Variants in FAAP24 observed in about 807,000 individuals in gnomAD.
FAAP24 encodes Fanconi anemia core complex-associated protein 24.
FAAP24 carries 16 observed loss-of-function variants against 14.3 expected under a neutral mutation model. The ratio of observed to expected loss-of-function variants is 1.12; its 90% CI spans 0.76 to 1.69. FAAP24 has a LOEUF of 1.69. FAAP24 is among the 40% of genes most tolerant of loss of function. The pLI is 0.00. For missense variants in FAAP24, 234 were observed against 262.7 expected (o/e 0.89, Z 0.75); for synonymous variants, 111 against 106.2 (o/e 1.04, Z -0.28).
chr19:32,974,149 C>G lies in FAAP24; in HGVS notation c.333C>G (p.Asp111Glu). The G allele has an allele frequency of 6.2e-7, 1 of 1,614,132 alleles. No individual in the cohort carries two copies. The highest frequency in any genetic ancestry group is 8.5e-7 in the Non-Finnish European group (1 of 1,180,032). The change falls in exon 4 of 5, where the codon GAC becomes GAG. Residue 111 changes from aspartate (D) to glutamate (E), a missense_variant. Coordinates refer to ENST00000588258, the MANE Select transcript of FAAP24 (RefSeq NM_152266.5). ...CCCTACAGAAGTTTACTGTGCTGGA[C>G]CTTGGAATGGTGCTGCTTCCAGTGG... ...FPALQKFTVL[D>E]LGMVLLPVAS...
chr19:32,974,301 T>C (rs1971489045), intron 4 of FAAP24, 89 bp downstream of exon 4: 9 of 1,418,990 alleles, frequency 6.3e-6, no homozygotes. Context: ...CCAATCTATG[T>C]CATTCTCTGA....
rs948765182 is a variant in FAAP24 at position 32,976,818 on chromosome 19, A to G, written c.*136A>G. 5 of 1,126,420 alleles carry G rather than the reference A, an allele frequency of 4.4e-6. No homozygotes were observed. The highest frequency in any genetic ancestry group is 4.9e-6 in the Non-Finnish European group (4 of 810,082). The allele number at this position is 1,126,420 out of a possible 1,614,324, so 69.8% of individuals were successfully genotyped here. On this transcript the variant is annotated 3_prime_UTR_variant, in exon 5 of 5. Transcript: ENST00000588258. ...ATCTCAGCACTTTGGGAGGCCGAAG[A>G]CAGCGGATCATCTGAGGTCAGGAGT...
In FAAP24 at chr19:32,974,098, C is replaced by T. The variant is rs754642934; in HGVS notation, c.282C>T (p.Thr94=). 8 of 1,614,100 alleles carry T rather than the reference C, an allele frequency of 5.0e-6. No individual in the cohort carries two copies. Among genetic ancestry groups the T allele is most frequent in the East Asian group, 2.2e-5 (1 of 44,882 alleles). ...NLKGIVVVEK[T]RMSEQYFPAL... is the part of the protein sequence containing the mutation. ...AAGGAATTGTAGTCGTTGAAAAAACCCGGATGAGTGAACAATACTTCCCAG... is the reference window on the plus strand; with the variant it reads ...AAGGAATTGTAGTCGTTGAAAAAACTCGGATGAGTGAACAATACTTCCCAG... Residue 94 remains threonine, a synonymous_variant, in exon 4 of 5, where the codon ACC becomes ACT. Transcript: ENST00000588258.
At chr19:32,974,578 G>A (rs1205321990) in intron 4 of FAAP24, among the ~76,000 whole-genome samples, 10 of 152,080 alleles carry the variant, frequency 6.6e-5, no homozygotes, top group Non-Finnish European at 1.0e-4. Flanking sequence ...GAGGCCAGCA[G>A]TTCGAGACCA....
rs1436868159 is a variant in FAAP24 at position 32,973,506 on chromosome 19, G to A, written c.187G>A (p.Glu63Lys). The A allele has an allele frequency of 8.1e-6, 13 of 1,614,080 alleles. No homozygotes were observed. Among genetic ancestry groups the A allele is most frequent in the East Asian group, 2.2e-5 (1 of 44,892 alleles). Residue 63 changes from glutamate (E) to lysine (K), a missense_variant, in exon 3 of 5, where the codon GAA (glutamate) becomes AAA (lysine). Coordinates refer to ENST00000588258, the MANE Select transcript of FAAP24 (RefSeq NM_152266.5). Reference sequence around the variant, plus strand: ...CAGATGCTGCATTCTTTATGTCACCGAAGCTGATTTGGTGGCAGGAAATGG... The same window carrying A: ...CAGATGCTGCATTCTTTATGTCACCAAAGCTGATTTGGTGGCAGGAAATGG... ...SNRCCILYVTEADLVAGNGYR... is the reference protein window; with the variant it reads ...SNRCCILYVTKADLVAGNGYR...
intron 4 of FAAP24, among the ~76,000 whole-genome samples, chr19:32,975,250 AC>A (rs1971501172): frequency 6.7e-6 from 1 of 149,624 alleles, no homozygotes; most frequent in Admixed American, 6.7e-5. Context: ...GCTTACTGCA[AC>A]CTTTGCCTCC....
Position 32,974,078 on chromosome 19 carries a change from A to G in FAAP24, c.262A>G (p.Ile88Val). The G allele has an allele frequency of 6.2e-7, 1 of 1,614,062 alleles. No individual in the cohort carries two copies. The highest frequency in any genetic ancestry group is 8.5e-7 in the Non-Finnish European group (1 of 1,180,006). The part of the protein sequence containing the change: ...RVRNSNNLKG[I>V]VVVEKTRMSE... ...TTTCAAGTCCAATAATCTTAAAGGA[A>G]TTGTAGTCGTTGAAAAAACCCGGAT... Residue 88 changes from isoleucine to valine, a missense_variant, in exon 4 of 5, where the codon ATT (isoleucine) becomes GTT (valine). Physicochemically the swap from Ile to Val is conservative, Grantham distance 29. Transcript: ENST00000588258.
intron 4 of FAAP24, among the ~76,000 whole-genome samples, chr19:32,975,608 C>T (rs1181172520): frequency 2.0e-5 from 3 of 151,592 alleles, no homozygotes; most frequent in Non-Finnish European, 4.4e-5. Flanking sequence ...TACAGGTGCC[C>T]GCCACCACGC....
rs1568305966 is a variant in FAAP24 at position 32,977,458 on chromosome 19, G to A, written c.*776G>A. On this transcript the variant is annotated 3_prime_UTR_variant, in exon 5 of 5. Transcript: ENST00000588258. ...TCTGGCCTTCATATACCCGTACTGC[G>A]AGGGCTGTTTCCAATGTAAATAAAT... The A allele has an allele frequency of 1.8e-5, 7 of 398,378 alleles. No homozygotes were observed. Among genetic ancestry groups the A allele is most frequent in the East Asian group, 3.6e-5 (1 of 28,090 alleles). The allele number at this position is 398,378 out of a possible 1,614,324, so 24.7% of individuals were successfully genotyped here.
chr19:32,975,240 G>A (rs1971500952), intron 4 of FAAP24, among the ~76,000 whole-genome samples: 1 of 150,326 alleles, frequency 6.7e-6, no homozygotes, highest in Admixed American at 6.7e-5. Flanking sequence ...TGCAATCTTG[G>A]CTTACTGCAA....
In FAAP24 at chr19:32,976,660, C is replaced by T; in HGVS notation, c.626C>T (p.Ala209Val). 6.2e-7 allele frequency: 1 copy of T among 1,614,148 alleles called. No individual in the cohort carries two copies. The highest frequency in any genetic ancestry group is 8.5e-7 in the Non-Finnish European group (1 of 1,180,016). Reference sequence around the variant, plus strand: ...CAAGCAGTGGCACAGCAGATCCATGCCTTCTTCACGCAGCCCAGGTGAGGG... The same window carrying T: ...CAAGCAGTGGCACAGCAGATCCATGTCTTCTTCACGCAGCCCAGGTGAGGG... ...VGQAVAQQIHAFFTQPR is the reference protein window; with the variant it reads ...VGQAVAQQIHVFFTQPR Residue 209 changes from alanine (A) to valine (V), a missense_variant, in exon 5 of 5, where the codon GCC becomes GTC. Transcript: ENST00000588258.
Position 32,977,015 on chromosome 19 carries a change from T to G in FAAP24, c.*333T>G. The stretch of plus-strand genomic sequence containing the variant: ...GAGATCGTGCCACTGCACTCCAGCC[T>G]GGGCACCAGAGCGAGACTCCGTCTC... On this transcript the variant is annotated 3_prime_UTR_variant, in exon 5 of 5. Transcript: ENST00000588258. 2.5e-6 allele frequency: 1 copy of G among 398,214 alleles called. No homozygotes were observed. The highest frequency in any genetic ancestry group is 4.6e-5 in the Admixed American group (1 of 21,830). The allele number at this position is 398,214 out of a possible 1,614,324, so 24.7% of individuals were successfully genotyped here.
In FAAP24 at chr19:32,977,903, AG is replaced by A. The variant is rs1312602060; in HGVS notation, c.*1222del. ...CACTGCACTCCAGCCTGGATGACAG[AG>A]TGAGACTCCATCTCAAAAAAAAAAA... On this transcript the variant is annotated 3_prime_UTR_variant, in exon 5 of 5. Transcript: ENST00000588258. The A allele has an allele frequency of 6.9e-6, 1 of 145,752 alleles. No homozygotes were observed. The highest frequency in any genetic ancestry group is 2.6e-5 in the African/African-American group (1 of 38,662). 9.0% of individuals were successfully genotyped at this position (145,752 alleles called of 1,614,324 possible).
At chr19:32,974,795 G>T (rs780480135) in intron 4 of FAAP24, among the ~76,000 whole-genome samples, 1 of 152,000 alleles carries the variant, frequency 6.6e-6, no homozygotes, top group East Asian at 1.9e-4. Context: ...AAAAAAGAAA[G>T]AAAGAAAGAA....
rs1273325433 is a variant in FAAP24 at position 32,976,490 on chromosome 19, G to A, written c.456G>A (p.Leu152=). 6.2e-7 allele frequency: 1 copy of A among 1,614,238 alleles called. No homozygotes were observed. Among genetic ancestry groups the A allele is most frequent in the South Asian group, 1.1e-5 (1 of 91,092 alleles). Residue 152 remains leucine (L), a synonymous_variant, in exon 5 of 5, where the codon CTG becomes CTA. Transcript: ENST00000588258. ...CTCTTCTCGGGAAGAAACGGGCCCT[G>A]CTGCTGTCTGAGCCTTCGCTCCTTC... The part of the protein sequence containing the change: ...KNPLLGKKRA[L]LLSEPSLLRT...
chr19:32,974,491 G>A (rs938145476), intron 4 of FAAP24, among the ~76,000 whole-genome samples: 1 of 152,080 alleles, frequency 6.6e-6, no homozygotes, highest in Non-Finnish European at 1.5e-5. Context: ...TGGTGAAAAC[G>A]TCAACCTAGA....
At position 32,977,348 on chromosome 19, in the gene FAAP24, G is replaced by A. The variant is rs1971534499; in HGVS notation, c.*666G>A. ...TCTAAAAAGCTTCAGTGGTGGATGT[G>A]ACCATCTGAAGGAAACAAATGTACA... is the stretch of plus-strand genomic sequence containing the variant. On this transcript the variant is annotated 3_prime_UTR_variant, in exon 5 of 5. Transcript: ENST00000588258. 2.5e-6 allele frequency: 1 copy of A among 398,636 alleles called. No homozygotes were observed. Among genetic ancestry groups the A allele is most frequent in the East Asian group, 3.6e-5 (1 of 28,076 alleles). 24.7% of individuals were successfully genotyped at this position (398,636 alleles called of 1,614,324 possible). A position where few individuals can be genotyped will look rare whatever the true frequency, so the allele number is the denominator to read the frequency against.
chr19:32,972,710 C>CTTTTTTTTTTTTTTTTTTT (rs377681596), intron 1 of FAAP24, among the ~76,000 whole-genome samples: 1 of 128,560 alleles, frequency 7.8e-6, no homozygotes. Flanking sequence ...TTTTCTTTTT[C>CTTTTTTTTTTTTTTTTTTT]TTTTCTTTTT....
Position 32,973,092 on chromosome 19 carries a change from G to C in FAAP24, c.-13-92G>C, listed in dbSNP as rs1971460257. 5.8e-6 allele frequency: 5 copies of C among 864,442 alleles called. No homozygotes were observed. The South Asian group carries it at 7.8e-5, about 14-fold the overall frequency. 53.5% of individuals were successfully genotyped at this position (864,442 alleles called of 1,614,324 possible). A position where few individuals can be genotyped will look rare whatever the true frequency, so the allele number is the denominator to read the frequency against. The stretch of plus-strand genomic sequence containing the variant: ...TGACAAATAATTCAGTTTGCAGAGG[G>C]GATCCTGCCCCAGAGGCCCTGGCTT... On this transcript the variant is annotated intron_variant, in intron 1 of 4. Transcript: ENST00000588258.
Sources: gnomAD v4.1 joint callset for allele counts (sites outside exome capture counted in the v4.1 genomes callset) on GRCh38, gnomAD v4.1.1 for gene constraint, MANE v1.5 for transcripts, NCBI Gene and HGNC (gene_info 2026-07-23, HGNC 2026-07-21) for gene names.